CFAP74: variants seen among roughly 807,000 people sequenced by gnomAD.
CFAP74 encodes the protein cilia- and flagella-associated protein 74.
CFAP74 carries 124 observed loss-of-function variants against 188.9 expected under a neutral mutation model. The ratio of observed to expected loss-of-function variants is 0.66; its 90% CI spans 0.57 to 0.76. The LOEUF (loss-of-function observed/expected upper bound fraction) is 0.76, where lower values mean the gene tolerates loss of function less well. Ranked by LOEUF, CFAP74 falls within the 30% of genes least tolerant of loss-of-function variation. CFAP74 has a pLI of 0.00. For missense variants in CFAP74, 2,198 were observed against 2,165.2 expected (o/e 1.02, Z -0.30); for synonymous variants, 956 against 916.7 (o/e 1.04, Z -0.77).
In CFAP74 at chr1:1,968,554, T is replaced by C; in HGVS notation, c.1245+81A>G. ...ATGGTGCTGAGGTCCTCAGAGGATG[T>C]CTCACCACACCTGAGCCCTGAGGCC... On this transcript the variant is annotated intron_variant, in intron 11 of 38. Coordinates refer to ENST00000682832, the MANE Select transcript of CFAP74 (RefSeq NM_001304360.2). This position sits in a 1 kb window ranked among gnomAD's most constrained non-coding sequence, Gnocchi z 4.3. The C allele has an allele frequency of 2.4e-6, 3 of 1,250,018 alleles. No homozygotes were observed. Among genetic ancestry groups the C allele is most frequent in the South Asian group, 1.3e-5 (1 of 74,248 alleles). The allele number at this position is 1,250,018 out of a possible 1,614,324, so 77.4% of individuals were successfully genotyped here.
chr1:1,991,794 C>T (rs1258373070), intron 1 of CFAP74, among the ~76,000 whole-genome samples: 2 of 152,186 alleles, frequency 1.3e-5, no homozygotes, highest in Non-Finnish European at 2.9e-5. Flanking sequence ...AATCCCAGCA[C>T]TTTGGGAGGC....
chr1:1,998,393 A>G (rs1224832084), intron 1 of CFAP74, among the ~76,000 whole-genome samples: 1 of 152,122 alleles, frequency 6.6e-6, no homozygotes, highest in Non-Finnish European at 1.5e-5. Flanking sequence ...GTGAAATGAT[A>G]TATCGCCTGG....
intron 6 of CFAP74, among the ~76,000 whole-genome samples, chr1:1,974,529 G>A (rs1656315163): frequency 6.6e-6 from 1 of 152,226 alleles, no homozygotes; most frequent in South Asian, 2.1e-4. Context: ...AGGCCTTCAG[G>A]AAGGGACAGC....
At chr1:1,932,449 G>T (rs1188862777) in intron 25 of CFAP74, among the ~76,000 whole-genome samples, 8 of 151,702 alleles carry the variant, frequency 5.3e-5, no homozygotes, top group Non-Finnish European at 1.2e-4. Flanking sequence ...TGCCCAGGCT[G>T]GTCTCAAATT....
chr1:1,959,732 A>T (rs565599760), intron 15 of CFAP74, among the ~76,000 whole-genome samples: 12 of 152,296 alleles, frequency 7.9e-5, no homozygotes, highest in African/African-American at 2.9e-4. Context: ...TAGACCCGAG[A>T]GTGCACGCCC....
chr1:1,941,797 CA>C (rs1219401281), intron 22 of CFAP74, among the ~76,000 whole-genome samples: 2 of 152,174 alleles, frequency 1.3e-5, no homozygotes, highest in African/African-American at 2.4e-5. Flanking sequence ...AACCTCTGTA[CA>C]AAAAAATGAA....
intron 25 of CFAP74, among the ~76,000 whole-genome samples, chr1:1,930,820 G>T (rs1652311127): frequency 6.6e-6 from 1 of 152,162 alleles, no homozygotes; most frequent in Non-Finnish European, 1.5e-5. Flanking sequence ...TTTAAAAACG[G>T]ATCTTTTTCT....
intron 16 of CFAP74, among the ~76,000 whole-genome samples, chr1:1,958,095 C>T (rs1045121304): frequency 2.0e-5 from 3 of 152,254 alleles, no homozygotes; most frequent in Admixed American, 6.5e-5. Flanking sequence ...CTCATCCCAA[C>T]CCCTCTCCAC....
chr1:1,998,173 G>A (rs576789273), intron 1 of CFAP74, among the ~76,000 whole-genome samples: 2 of 152,236 alleles, frequency 1.3e-5, no homozygotes, highest in South Asian at 4.2e-4. Context: ...AGCTACTTCG[G>A]AGGCTGAGGC....
intron 1 of CFAP74, among the ~76,000 whole-genome samples, chr1:1,996,544 G>A (rs1570999845): frequency 1.3e-5 from 2 of 152,092 alleles, no homozygotes; most frequent in Admixed American, 6.6e-5. Context: ...TTAAACATAC[G>A]AAAAAATAGA....
In CFAP74 at chr1:1,982,623, A is replaced by C. The variant is rs541899943; in HGVS notation, c.500+2763T>G. On this transcript the variant is annotated intron_variant, in intron 6 of 38. Transcript: ENST00000682832. ...GAACGTTCCAGATGCTTTGTACTGCATGCAAATTAGACCCAGATAAAGCTG... is the reference window on the plus strand; with the variant it reads ...GAACGTTCCAGATGCTTTGTACTGCCTGCAAATTAGACCCAGATAAAGCTG... 2.6e-5 allele frequency among the ~76,000 whole-genome samples: 4 copies of C among 152,366 alleles called. 1 individual carries two copies. Among genetic ancestry groups the C allele is most frequent in the African/African-American group, 9.6e-5 (4 of 41,594 alleles).
intron 5 of CFAP74, 51 bp downstream of exon 5, chr1:1,986,885 TC>T: frequency 6.7e-7 from 1 of 1,491,996 alleles, no homozygotes. Flanking sequence ...CCAGTGAACC[TC>T]CGGCCCTGAC....
In CFAP74 at chr1:1,938,541, C is replaced by T. The variant is rs57930190; in HGVS notation, c.3011+314G>A. ...ACTCACACCTGCTCCTACAGTGATACGTCTGCGCACACACGTTCACACACA... is the reference window on the plus strand; with the variant it reads ...ACTCACACCTGCTCCTACAGTGATATGTCTGCGCACACACGTTCACACACA... On this transcript the variant is annotated intron_variant, in intron 25 of 38. Coordinates refer to ENST00000682832, the MANE Select transcript of CFAP74 (RefSeq NM_001304360.2). Among the ~76,000 whole-genome samples the T allele has an allele frequency of 2.2e-3, 336 of 152,088 alleles. 1 individual carries two copies. The highest frequency in any genetic ancestry group is 7.5e-3 in the African/African-American group (309 of 41,458).
At chr1:1,951,772 T>C (rs1009594013) in intron 18 of CFAP74, among the ~76,000 whole-genome samples, 3 of 152,216 alleles carry the variant, frequency 2.0e-5, no homozygotes, top group Admixed American at 6.5e-5. Flanking sequence ...TCCTACAGTA[T>C]AGAAAATCTG....
In CFAP74 at chr1:1,959,226, C is replaced by A. The variant is rs769070699; in HGVS notation, c.1762-17G>T. ...CTTGTTTATCTAAAACATAAAACAA[C>A]CCCCACCACAATACACTTCTGCAAC... On this transcript the variant is annotated splice_polypyrimidine_tract_variant and intron_variant, in intron 15 of 38. Transcript: ENST00000682832. The A allele has an allele frequency of 2.0e-6, 3 of 1,529,432 alleles. No homozygotes were observed. The highest frequency in any genetic ancestry group is 4.5e-5 in the East Asian group (2 of 44,486). 94.7% of individuals were successfully genotyped at this position (1,529,432 alleles called of 1,614,324 possible).
Position 1,923,151 on chromosome 1 carries a change from G to C in CFAP74, c.4523-6C>G, listed in dbSNP as rs1245012904. The C allele has an allele frequency of 1.2e-6, 2 of 1,605,088 alleles. No homozygotes were observed. Among genetic ancestry groups the C allele is most frequent in the Non-Finnish European group, 1.7e-6 (2 of 1,177,202 alleles). ...AGGGCCTGGCCGGGAGCTGGCTGGA[G>C]GGGTGTGGCCAGGGGAGCTGTTCAG... is the stretch of plus-strand genomic sequence containing the variant. On this transcript the variant is annotated splice_polypyrimidine_tract_variant and splice_region_variant and intron_variant, in intron 36 of 38. Transcript: ENST00000682832. This position sits in a 1 kb window ranked among gnomAD's most constrained non-coding sequence, Gnocchi z 6.3.
intron 16 of CFAP74, among the ~76,000 whole-genome samples, chr1:1,958,260 C>T (rs1293823867): frequency 6.6e-6 from 1 of 152,248 alleles, no homozygotes; most frequent in East Asian, 1.9e-4. Context: ...CTCTGCCCTT[C>T]GCCTGCCCCG....
At chr1:1,986,841 C>T in intron 5 of CFAP74, 96 bp downstream of exon 5, 1 of 1,020,138 alleles carries the variant, frequency 9.8e-7, no homozygotes, top group Non-Finnish European at 1.5e-6. Context: ...TTGGCCTGAA[C>T]ACAGCAGGTG....
intron 8 of CFAP74, 146 bp downstream of exon 8, chr1:1,972,791 G>A (rs991921602): frequency 2.8e-5 from 19 of 670,070 alleles, no homozygotes; most frequent in Admixed American, 7.7e-5. Context: ...GCAGTGAGCC[G>A]AGATCGCGCC....
Sources: allele counts gnomAD v4.1 joint callset (sites outside exome capture counted in the v4.1 genomes callset), GRCh38; gene constraint gnomAD v4.1.1; non-coding constraint Gnocchi (gnomAD v3.1); transcripts MANE v1.5; gene names NCBI Gene and HGNC (gene_info 2026-07-23, HGNC 2026-07-21).